Variants in SLC4A7 observed in about 807,000 individuals in gnomAD.
SLC4A7 encodes the protein solute carrier family 4 member 7.
In SLC4A7, 51 loss-of-function variants were observed where a neutral mutation model predicts 137.6. That is an observed-to-expected ratio of 0.37 (90% CI 0.30 to 0.47). SLC4A7 has a LOEUF of 0.47. SLC4A7 is among the 20% of genes least tolerant of loss of function. SLC4A7 has a pLI of 1.00. For synonymous variants in SLC4A7, 542 were observed against 518.6 expected, an observed-to-expected ratio of 1.05 and a Z score of -0.61; for missense variants, 1,247 against 1,525.4, an observed-to-expected ratio of 0.82 and a Z score of 3.04.
At chr3:27,426,830 C>A (rs556165715) in intron 7 of SLC4A7, among the ~76,000 whole-genome samples, 1 of 152,238 alleles carries the variant, frequency 6.6e-6, no homozygotes, top group East Asian at 1.9e-4. Context: ...TTTTCTCAAT[C>A]AGTAAAGTCT....
chr3:27,431,845 A>C (rs2056331102), intron 6 of SLC4A7, among the ~76,000 whole-genome samples, 176 bp from the exon 7 acceptor site: 1 of 152,202 alleles, frequency 6.6e-6, no homozygotes, highest in African/African-American at 2.4e-5. Context: ...GTCACTAAAA[A>C]GTTGGTTAAA....
chr3:27,455,541 G>C (rs2058346953), intron 1 of SLC4A7, among the ~76,000 whole-genome samples: 1 of 150,660 alleles, frequency 6.6e-6, no homozygotes, highest in Non-Finnish European at 1.5e-5. Flanking sequence ...TTCAATGAGA[G>C]TGTTTTCATG....
At chr3:27,397,985 C>A in intron 17 of SLC4A7, 188 bp from the exon 18 acceptor site, 1 of 609,240 alleles carries the variant, frequency 1.6e-6, no homozygotes, top group South Asian at 2.3e-5. Context: ...CATTTCGCAA[C>A]TAACCTAGCA....
chr3:27,378,633 T>C (rs2050129143), intron 25 of SLC4A7, among the ~76,000 whole-genome samples: 1 of 152,204 alleles, frequency 6.6e-6, no homozygotes, highest in African/African-American at 2.4e-5. Flanking sequence ...AACTGAATGG[T>C]CTTTATGTCA....
At chr3:27,404,073 A>G (rs768406298) in intron 14 of SLC4A7, among the ~76,000 whole-genome samples, 6 of 152,204 alleles carry the variant, frequency 3.9e-5, no homozygotes, top group Non-Finnish European at 8.8e-5. Flanking sequence ...TTATGTCACA[A>G]AAGGAAGAGT....
intron 3 of SLC4A7, among the ~76,000 whole-genome samples, chr3:27,439,826 T>C (rs2057047945): frequency 6.6e-6 from 1 of 152,202 alleles, no homozygotes. Flanking sequence ...AGTCATTAAT[T>C]GTGAAATGTG....
At chr3:27,429,774 C>T (rs2056075667) in intron 7 of SLC4A7, among the ~76,000 whole-genome samples, 1 of 151,964 alleles carries the variant, frequency 6.6e-6, no homozygotes, top group African/African-American at 2.4e-5. Flanking sequence ...CACTTGAACC[C>T]AGGAGGCGAG....
At chr3:27,482,016 C>T (rs751167676) in intron 1 of SLC4A7, among the ~76,000 whole-genome samples, 1 of 152,110 alleles carries the variant, frequency 6.6e-6, no homozygotes, top group Non-Finnish European at 1.5e-5. Context: ...GCCTGTAATC[C>T]CAGCTACTCG....
intron 7 of SLC4A7, among the ~76,000 whole-genome samples, chr3:27,427,531 A>T (rs900794974): frequency 2.0e-5 from 3 of 152,122 alleles, no homozygotes; most frequent in Non-Finnish European, 4.4e-5. Flanking sequence ...AACTAATGGG[A>T]AATACCACTT....
intron 3 of SLC4A7, among the ~76,000 whole-genome samples, chr3:27,441,425 C>A (rs1479486594): frequency 6.6e-6 from 1 of 152,162 alleles, no homozygotes; most frequent in African/African-American, 2.4e-5. Context: ...CTGATGCCAT[C>A]TGAGAGTAAA....
intron 3 of SLC4A7, among the ~76,000 whole-genome samples, chr3:27,437,971 T>C (rs973108416): frequency 3.9e-5 from 6 of 152,058 alleles, no homozygotes; most frequent in Non-Finnish European, 7.4e-5. Flanking sequence ...CAGAGGCAAG[T>C]GTACCATCTG....
rs139815325 is a variant in SLC4A7, at chr3:27,482,163, T to C, written c.60+1904A>G. On this transcript the variant is annotated intron_variant, in intron 1 of 25. Transcript: ENST00000454389. ...TAAATAAATAAATATTAGGATGGAG[T>C]TGGTTCTGCCTTGTTGGCCACTACA... is the stretch of plus-strand genomic sequence containing the variant. 3.6e-4 allele frequency among the ~76,000 whole-genome samples: 55 copies of C among 152,014 alleles called. No homozygotes were observed. The East Asian group carries it at 7.8e-3, about 21-fold the overall frequency.
rs557628161 is a variant in SLC4A7 at position 27,419,967 on chromosome 3, T to C, written c.1512+733A>G. 5.8e-3 allele frequency among the ~76,000 whole-genome samples: 878 copies of C among 151,966 alleles called. 6 individuals carry two copies. The highest frequency in any genetic ancestry group is 8.8e-3 in the Non-Finnish European group (598 of 67,944). On this transcript the variant is annotated intron_variant, in intron 10 of 25. Transcript: ENST00000454389. ...ACTTTGGGAGGCCGAGGCGGGCAGA[T>C]CACAAGGTCAGGAGATTGAGACCAT...
chr3:27,425,676 C>CAAAAAAA (rs59895795), intron 7 of SLC4A7, among the ~76,000 whole-genome samples: 5 of 61,490 alleles, frequency 8.1e-5, no homozygotes, highest in South Asian at 9.2e-4. Context: ...AACTCTGTCT[C>CAAAAAAA]AAAAAAAAAA....
At chr3:27,468,226 G>T (rs139157665) in intron 1 of SLC4A7, among the ~76,000 whole-genome samples, 1,716 of 152,222 alleles carry the variant, frequency 0.011, 17 homozygotes, top group South Asian at 0.032. Flanking sequence ...ACCAAGAGCA[G>T]CCTTATAAAT....
chr3:27,418,518 G>A lies in SLC4A7; in HGVS notation c.1627C>T (p.Arg543Cys), dbSNP rs1185533169. The change falls in exon 11 of 26, where the codon CGC (arginine) becomes TGC (cysteine). Residue 543 changes from arginine to cysteine, a missense_variant. Arg to Cys is a radical substitution (Grantham distance 180). Coordinates refer to ENST00000454389, the MANE Select transcript of SLC4A7 (RefSeq NM_001321103.2). ...GGGACACTTTTTGGTGGTTCTATGC[G>A]TATAGAAGGATCCCACTCTCCTGGA... ...LPPGEWDPSI[R>C]IEPPKSVPSQ... 3.1e-6 allele frequency: 5 copies of A among 1,611,394 alleles called. No individual in the cohort carries two copies. Among genetic ancestry groups the A allele is most frequent in the Non-Finnish European group, 3.4e-6 (4 of 1,177,886 alleles).
chr3:27,419,501 A>T (rs1450367059), intron 10 of SLC4A7, among the ~76,000 whole-genome samples: 2 of 151,026 alleles, frequency 1.3e-5, no homozygotes, highest in Non-Finnish European at 2.9e-5. Context: ...ACACCCAGCT[A>T]ATTTTTGTAT....
At chr3:27,435,249 G>T (rs1268823117) in intron 5 of SLC4A7, among the ~76,000 whole-genome samples, 3 of 152,078 alleles carry the variant, frequency 2.0e-5, no homozygotes, top group African/African-American at 7.2e-5. Flanking sequence ...GTTAATTTTG[G>T]TTTTTATTAA....
chr3:27,461,463 T>C (rs373326333), intron 1 of SLC4A7, among the ~76,000 whole-genome samples: 4 of 151,938 alleles, frequency 2.6e-5, no homozygotes, highest in Non-Finnish European at 5.9e-5. Context: ...AATTACAAGA[T>C]AAATTAAAAC....
Sources: allele counts gnomAD v4.1 joint callset (sites outside exome capture counted in the v4.1 genomes callset), GRCh38; gene constraint gnomAD v4.1.1; transcripts MANE v1.5; gene names NCBI Gene and HGNC (gene_info 2026-07-23, HGNC 2026-07-21).